MGMT: variants seen among roughly 807,000 people sequenced by gnomAD.
The protein encoded by MGMT is O-6-methylguanine-DNA methyltransferase.
In MGMT, 14 loss-of-function variants were observed where a neutral mutation model predicts 15.9. The ratio of observed to expected loss-of-function variants is 0.88; its 90% CI spans 0.58 to 1.37. The LOEUF (loss-of-function observed/expected upper bound fraction) is 1.37. MGMT is among the 40% of genes most tolerant of loss of function. The probability of loss-of-function intolerance (pLI) is 0.00; values close to 1 mark genes in which losing one functional copy is unlikely to be tolerated. For synonymous variants in MGMT, 130 were observed against 118.2 expected (o/e 1.10, Z -0.65); for missense variants, 282 against 268.1 (o/e 1.05, Z -0.36).
At chr10:129,550,161 A>G (rs925788614) in intron 2 of MGMT, among the ~76,000 whole-genome samples, 2 of 152,216 alleles carry the variant, frequency 1.3e-5, no homozygotes, top group Non-Finnish European at 2.9e-5. Context: ...GTTGAGCGAC[A>G]TTAGTTGGTG....
Position 129,566,133 on chromosome 10 carries a change from G to C in MGMT, c.125+29756G>C, listed in dbSNP as rs1416962846. Among the ~76,000 whole-genome samples, 3 of 152,188 alleles carry C rather than the reference G, an allele frequency of 2.0e-5. No individual in the cohort carries two copies. Among genetic ancestry groups the C allele is most frequent in the Admixed American group, 2.0e-4 (3 of 15,284 alleles). ...GCTCTCCAGGGCTGGGGACTTGCTA[G>C]AGCAGGGTTCCCAGTGCCCCCAGGC... On this transcript the variant is annotated intron_variant, in intron 2 of 4. Coordinates refer to ENST00000651593, the MANE Select transcript of MGMT (RefSeq NM_002412.5). The surrounding 1 kb of genome is among the most constrained non-coding windows in gnomAD (Gnocchi z 4.1).
At chr10:129,526,165 C>T (rs1225900087) in intron 1 of MGMT, among the ~76,000 whole-genome samples, 3 of 152,186 alleles carry the variant, frequency 2.0e-5, no homozygotes, top group Non-Finnish European at 4.4e-5. Flanking sequence ...TCAGCCACAC[C>T]ACGTGGCCAG....
intron 2 of MGMT, among the ~76,000 whole-genome samples, chr10:129,579,048 G>A (rs1334289953): frequency 1.3e-5 from 2 of 152,144 alleles, no homozygotes; most frequent in African/African-American, 4.8e-5. Flanking sequence ...TATCCCAGGA[G>A]GGCTGAAACT....
rs890093490 is a variant in MGMT, at chr10:129,566,663, G to A, written c.125+30286G>A. ...TGTTTCTCTTCTCCCACTGTTGGTC[G>A]TTGGCTGGATCTCGTTGAAGGCCTG... On this transcript the variant is annotated intron_variant, in intron 2 of 4. Transcript: ENST00000651593. The surrounding 1 kb of genome is among the most constrained non-coding windows in gnomAD (Gnocchi z 4.1). Among the ~76,000 whole-genome samples the A allele has an allele frequency of 5.3e-5, 8 of 152,026 alleles. No individual in the cohort carries two copies. The highest frequency in any genetic ancestry group is 8.8e-5 in the Non-Finnish European group (6 of 68,006).
At chr10:129,558,726 A>G (rs2119804594) in intron 2 of MGMT, among the ~76,000 whole-genome samples, 1 of 152,308 alleles carries the variant, frequency 6.6e-6, no homozygotes, top group South Asian at 2.1e-4. Context: ...GAGTACTTGC[A>G]GGCAGCCCCG....
intron 1 of MGMT, among the ~76,000 whole-genome samples, chr10:129,535,503 G>A (rs1261092317): frequency 2.0e-5 from 3 of 152,356 alleles, no homozygotes; most frequent in African/African-American, 4.8e-5. Context: ...AACTACAGGT[G>A]TGTGCTATCA....
intron 3 of MGMT, among the ~76,000 whole-genome samples, chr10:129,719,253 G>T (rs1427499706): frequency 6.6e-6 from 1 of 152,250 alleles, no homozygotes; most frequent in Non-Finnish European, 1.5e-5. Flanking sequence ...ACCTTCCCAG[G>T]CTGTCTAGAG....
intron 3 of MGMT, among the ~76,000 whole-genome samples, chr10:129,758,876 A>G (rs1020755289): frequency 1.3e-5 from 2 of 152,348 alleles, no homozygotes; most frequent in African/African-American, 2.4e-5. Flanking sequence ...TAATTGAGCC[A>G]TGAGCTCACT....
chr10:129,555,051 A>G (rs559614142), intron 2 of MGMT, among the ~76,000 whole-genome samples: 39 of 152,344 alleles, frequency 2.6e-4, no homozygotes, highest in African/African-American at 9.1e-4. Flanking sequence ...ACGCCACCCC[A>G]TAGTAAGCAC....
At chr10:129,599,648 T>C (rs780315047) in intron 2 of MGMT, among the ~76,000 whole-genome samples, 27 of 152,186 alleles carry the variant, frequency 1.8e-4, no homozygotes, top group Non-Finnish European at 3.1e-4. Context: ...AATACTGCAG[T>C]CAGTGCAGAC....
chr10:129,527,859 A>G (rs1370169985), intron 1 of MGMT, among the ~76,000 whole-genome samples: 1 of 151,648 alleles, frequency 6.6e-6, no homozygotes, highest in Non-Finnish European at 1.5e-5. Flanking sequence ...CCTGGCCACC[A>G]CCTTCTGCTC....
chr10:129,582,610 GA>G (rs1281219011), intron 2 of MGMT, among the ~76,000 whole-genome samples: 2 of 151,232 alleles, frequency 1.3e-5, no homozygotes, highest in South Asian at 2.1e-4. Flanking sequence ...CTGTGAGGAG[GA>G]AAAAAATGAG....
At chr10:129,501,755 T>G (rs145226793) in intron 1 of MGMT, among the ~76,000 whole-genome samples, 2 of 152,298 alleles carry the variant, frequency 1.3e-5, no homozygotes, top group African/African-American at 4.8e-5. Context: ...CAACACTACT[T>G]TAATTTGAAA....
At chr10:129,688,036 T>C (rs1259298556) in intron 2 of MGMT, among the ~76,000 whole-genome samples, 1 of 152,236 alleles carries the variant, frequency 6.6e-6, no homozygotes, top group East Asian at 1.9e-4. Context: ...CTCATCATTT[T>C]TTATGGCTGC....
intron 3 of MGMT, among the ~76,000 whole-genome samples, chr10:129,728,853 G>A (rs1177222662): frequency 6.6e-6 from 1 of 152,042 alleles, no homozygotes; most frequent in East Asian, 1.9e-4. Flanking sequence ...CATCACAAAG[G>A]TCAGCACGAG....
At chr10:129,682,295 G>A (rs1847861529) in intron 2 of MGMT, among the ~76,000 whole-genome samples, 1 of 152,016 alleles carries the variant, frequency 6.6e-6, no homozygotes, top group Admixed American at 6.6e-5. Flanking sequence ...TCCATACAAT[G>A]GAATACTTAT....
intron 2 of MGMT, among the ~76,000 whole-genome samples, chr10:129,651,972 T>C (rs1847463687): frequency 1.3e-5 from 2 of 152,176 alleles, no homozygotes; most frequent in African/African-American, 4.8e-5. Context: ...TGGTGTGATG[T>C]TCAGCGTTGG....
At chr10:129,490,419 A>G (rs1034702009) in intron 1 of MGMT, among the ~76,000 whole-genome samples, 3 of 152,212 alleles carry the variant, frequency 2.0e-5, no homozygotes, top group Non-Finnish European at 4.4e-5. Flanking sequence ...CACCTGCTCT[A>G]GACCAAGCTT....
At chr10:129,724,762 T>A (rs932862989) in intron 3 of MGMT, among the ~76,000 whole-genome samples, 2 of 152,234 alleles carry the variant, frequency 1.3e-5, no homozygotes, top group African/African-American at 4.8e-5. Flanking sequence ...ATAAAGCTAT[T>A]CATTGTAAAA....
Sources: allele counts gnomAD v4.1 joint callset (sites outside exome capture counted in the v4.1 genomes callset), GRCh38; gene constraint gnomAD v4.1.1; non-coding constraint Gnocchi (gnomAD v3.1); transcripts MANE v1.5; gene names NCBI Gene and HGNC (gene_info 2026-07-23, HGNC 2026-07-21).